Variants in LRRC4C observed in about 807,000 individuals in gnomAD.
LRRC4C encodes the protein leucine rich repeat containing 4C.
LRRC4C carries 5 observed loss-of-function variants against 33.6 expected under a neutral mutation model. The ratio of observed to expected loss-of-function variants is 0.15; its 90% CI spans 0.08 to 0.31. LRRC4C has a LOEUF of 0.31. Among genes scored for constraint, LRRC4C ranks in the 10% least tolerant of loss-of-function variants. LRRC4C has a pLI of 1.00. For missense variants in LRRC4C, 560 were observed against 796.7 expected (o/e 0.70, Z 3.58); for synonymous variants, 329 against 302.0 (o/e 1.09, Z -0.93).
At chr11:40,745,229 A>C (rs1374472225) in intron 2 of LRRC4C, among the ~76,000 whole-genome samples, 2 of 152,170 alleles carry the variant, frequency 1.3e-5, no homozygotes, top group Non-Finnish European at 2.9e-5. Flanking sequence ...TCGGGAAAAT[A>C]CTTTTCCCTC....
intron 2 of LRRC4C, among the ~76,000 whole-genome samples, chr11:40,894,973 A>G (rs939931715): frequency 2.0e-5 from 3 of 152,082 alleles, no homozygotes; most frequent in Non-Finnish European, 4.4e-5. Context: ...CCTCTAACTC[A>G]TATCTCTCTT....
intron 1 of LRRC4C, among the ~76,000 whole-genome samples, chr11:41,437,935 G>A (rs1366123720): frequency 6.6e-6 from 1 of 152,082 alleles, no homozygotes; most frequent in Non-Finnish European, 1.5e-5. Context: ...CCATGTGGGA[G>A]GCTGAGGAAG....
chr11:41,127,808 G>A (rs576396821), intron 1 of LRRC4C, among the ~76,000 whole-genome samples: 64 of 152,204 alleles, frequency 4.2e-4, no homozygotes, highest in African/African-American at 1.1e-3. Context: ...ATTCCAGAGT[G>A]AAAACCACAT....
chr11:40,659,875 A>G (rs1319950960), intron 2 of LRRC4C, among the ~76,000 whole-genome samples: 3 of 152,174 alleles, frequency 2.0e-5, no homozygotes, highest in African/African-American at 4.8e-5. Flanking sequence ...CTCATTCTTT[A>G]TGGATGTGGG....
chr11:41,328,838 T>C (rs1161252141), intron 1 of LRRC4C, among the ~76,000 whole-genome samples: 1 of 152,220 alleles, frequency 6.6e-6, no homozygotes, highest in Non-Finnish European at 1.5e-5. Context: ...TATTTTCTCA[T>C]GTAATCTTCT....
intron 3 of LRRC4C, among the ~76,000 whole-genome samples, chr11:40,599,652 C>T (rs1959770721): frequency 6.6e-6 from 1 of 152,138 alleles, no homozygotes; most frequent in Non-Finnish European, 1.5e-5. Flanking sequence ...CTCTTTTTCA[C>T]AGGGCTATAC....
intron 3 of LRRC4C, among the ~76,000 whole-genome samples, chr11:40,479,366 T>C (rs1953420175): frequency 6.6e-6 from 1 of 152,136 alleles, no homozygotes; most frequent in Non-Finnish European, 1.5e-5. Flanking sequence ...AGTGGTCCAT[T>C]TTGAGCTACC....
At chr11:40,473,601 G>A (rs754847601) in intron 3 of LRRC4C, among the ~76,000 whole-genome samples, 2 of 152,076 alleles carry the variant, frequency 1.3e-5, no homozygotes, top group East Asian at 1.9e-4. Flanking sequence ...AGTTCTGCCC[G>A]GGGCAAGTAG....
chr11:41,069,633 A>G (rs1423271193), intron 1 of LRRC4C, among the ~76,000 whole-genome samples: 3 of 152,188 alleles, frequency 2.0e-5, no homozygotes, highest in Non-Finnish European at 4.4e-5. Flanking sequence ...ATACACAAGC[A>G]GAGAGCCAAA....
At chr11:41,428,256 A>G (rs1278085624) in intron 1 of LRRC4C, among the ~76,000 whole-genome samples, 1 of 152,076 alleles carries the variant, frequency 6.6e-6, no homozygotes, top group Non-Finnish European at 1.5e-5. Flanking sequence ...ATTTTTAAGT[A>G]TGTTTCTAAT....
intron 1 of LRRC4C, among the ~76,000 whole-genome samples, chr11:41,247,674 A>C (rs1430460229): frequency 6.6e-6 from 1 of 152,198 alleles, no homozygotes; most frequent in Non-Finnish European, 1.5e-5. Context: ...ACTTTTTAGA[A>C]GGGAACATTT....
intron 4 of LRRC4C, among the ~76,000 whole-genome samples, chr11:40,300,665 C>T (rs558269307): frequency 1.3e-5 from 2 of 152,172 alleles, no homozygotes; most frequent in Non-Finnish European, 2.9e-5. Context: ...TGGATAGCCT[C>T]ACATACATTT....
At chr11:40,536,470 G>A (rs772453899) in intron 3 of LRRC4C, among the ~76,000 whole-genome samples, 1 of 152,186 alleles carries the variant, frequency 6.6e-6, no homozygotes, top group East Asian at 1.9e-4. Context: ...GGGATTACAG[G>A]CGTGAGCCAC....
chr11:40,974,353 A>G (rs558992450), intron 1 of LRRC4C, among the ~76,000 whole-genome samples: 1 of 152,224 alleles, frequency 6.6e-6, no homozygotes, highest in Admixed American at 6.5e-5. Context: ...CCAGGGTTAT[A>G]TTATGTTTTA....
chr11:40,772,371 T>C (rs1266684086), intron 2 of LRRC4C, among the ~76,000 whole-genome samples: 1 of 152,152 alleles, frequency 6.6e-6, no homozygotes, highest in Admixed American at 6.5e-5. Context: ...TCCCAACACA[T>C]GGTGAATACA....
At chr11:40,989,668 T>C (rs974104252) in intron 1 of LRRC4C, among the ~76,000 whole-genome samples, 1 of 152,172 alleles carries the variant, frequency 6.6e-6, no homozygotes, top group African/African-American at 2.4e-5. Flanking sequence ...TCTGGGTTGA[T>C]TTTGTGGGTG....
At chr11:40,455,859 T>TGGCC (rs1952107901) in intron 3 of LRRC4C, among the ~76,000 whole-genome samples, 2 of 152,138 alleles carry the variant, frequency 1.3e-5, no homozygotes, top group African/African-American at 4.8e-5. Context: ...CCAACTCATT[T>TGGCC]TATCTTCAAA....
chr11:40,617,943 G>C (rs1230476447), intron 3 of LRRC4C, among the ~76,000 whole-genome samples: 1 of 151,588 alleles, frequency 6.6e-6, no homozygotes, highest in East Asian at 1.9e-4. Context: ...CTATATATTT[G>C]ATGTCTGAGT....
intron 2 of LRRC4C, among the ~76,000 whole-genome samples, chr11:40,842,735 A>G (rs1481217721): frequency 6.6e-6 from 1 of 152,122 alleles, no homozygotes; most frequent in Non-Finnish European, 1.5e-5. Context: ...TACTTACCCT[A>G]TAATCTAAGG....
Sources: allele counts gnomAD v4.1 joint callset (sites outside exome capture counted in the v4.1 genomes callset), GRCh38; gene constraint gnomAD v4.1.1; transcripts MANE v1.5; gene names NCBI Gene and HGNC (gene_info 2026-07-23, HGNC 2026-07-21).